The following ADAM22 variants were observed in gnomAD, a reference collection of about 807,000 sequenced individuals.
The protein encoded by ADAM22 is disintegrin and metalloproteinase domain-containing protein 22.
Under a neutral mutation model 144.6 loss-of-function variants are expected in ADAM22, and 65 were observed. The observed-to-expected ratio is 0.45, with a 90% CI of 0.37 to 0.55. The LOEUF (loss-of-function observed/expected upper bound fraction) is 0.55. ADAM22 is among the 20% of genes least tolerant of loss of function. The probability of loss-of-function intolerance (pLI) is 0.00; values close to 1 mark genes in which losing one functional copy is unlikely to be tolerated. For missense variants in ADAM22, 974 were observed against 1,184.9 expected (o/e 0.82, Z 2.61); for synonymous variants, 391 against 412.6 (o/e 0.95, Z 0.63).
chr7:87,950,671 G>T lies in ADAM22; in HGVS notation c.246+15485G>T, dbSNP rs542853543. Among the ~76,000 whole-genome samples the T allele has an allele frequency of 4.7e-3, 693 of 147,578 alleles. 2 individuals carry two copies. The highest frequency in any genetic ancestry group is 0.017 in the African/African-American group (668 of 39,040). The stretch of plus-strand genomic sequence containing the variant: ...ATATACCCAGTAATGGGATGGCTGG[G>T]TCAAATGGTATTTCTAGTTCTAGAT... On this transcript the variant is annotated intron_variant, in intron 2 of 31. Transcript: ENST00000413139.
chr7:88,102,246 C>A (rs1764349155), intron 4 of ADAM22, among the ~76,000 whole-genome samples: 1 of 152,132 alleles, frequency 6.6e-6, no homozygotes, highest in African/African-American at 2.4e-5. Flanking sequence ...TCATCAAAAT[C>A]ATGTAGAGGA....
At chr7:88,121,013 G>C (rs1585916717) in intron 7 of ADAM22, among the ~76,000 whole-genome samples, 2 of 152,186 alleles carry the variant, frequency 1.3e-5, no homozygotes. Context: ...ACCATTTGTT[G>C]AAAACAGTTT....
chr7:88,156,927 A>G (rs1683838413), intron 22 of ADAM22, among the ~76,000 whole-genome samples: 1 of 152,142 alleles, frequency 6.6e-6, no homozygotes, highest in Non-Finnish European at 1.5e-5. Flanking sequence ...AAAAAAGACA[A>G]AAACAATGAG....
chr7:88,054,748 A>C (rs922603448), intron 3 of ADAM22, among the ~76,000 whole-genome samples: 1 of 152,060 alleles, frequency 6.6e-6, no homozygotes, highest in Non-Finnish European at 1.5e-5. Flanking sequence ...CTCTTTGTCC[A>C]AAACACTTTT....
chr7:87,963,744 C>A (rs993334228), intron 2 of ADAM22, among the ~76,000 whole-genome samples: 4 of 152,148 alleles, frequency 2.6e-5, no homozygotes, highest in Non-Finnish European at 5.9e-5. Context: ...GAATGGCTCT[C>A]CTCTAGCTAC....
intron 2 of ADAM22, among the ~76,000 whole-genome samples, chr7:87,976,191 G>A (rs903949030): frequency 6.6e-6 from 1 of 152,142 alleles, no homozygotes; most frequent in Non-Finnish European, 1.5e-5. Flanking sequence ...GAGGCTAGAC[G>A]AGGTTGGAAA....
At chr7:88,118,788 C>T (rs1828504258) in intron 7 of ADAM22, among the ~76,000 whole-genome samples, 1 of 151,702 alleles carries the variant, frequency 6.6e-6, no homozygotes, top group Admixed American at 6.6e-5. Flanking sequence ...AAACTCAGGT[C>T]TGTTTCAATC....
chr7:88,037,241 G>A (rs1401699833), intron 3 of ADAM22, among the ~76,000 whole-genome samples: 2 of 152,028 alleles, frequency 1.3e-5, no homozygotes, highest in African/African-American at 2.4e-5. Flanking sequence ...GTGGATTTGA[G>A]ATGTTTTTGA....
At chr7:87,992,237 G>GCGAT (rs1790078006) in intron 3 of ADAM22, among the ~76,000 whole-genome samples, 1 of 152,214 alleles carries the variant, frequency 6.6e-6, no homozygotes, top group African/African-American at 2.4e-5. Context: ...AGAGGAAAGA[G>GCGAT]ATGGAACAAG....
chr7:88,090,661 C>T (rs536226517), intron 4 of ADAM22, among the ~76,000 whole-genome samples: 7 of 152,022 alleles, frequency 4.6e-5, no homozygotes, highest in South Asian at 2.1e-4. Flanking sequence ...TTTTTAAAAC[C>T]TCAGGATATA....
intron 3 of ADAM22, among the ~76,000 whole-genome samples, chr7:87,997,196 C>T (rs753408639): frequency 1.9e-4 from 29 of 152,186 alleles, no homozygotes; most frequent in Non-Finnish European, 3.5e-4. Flanking sequence ...CTTGGTAAAC[C>T]TACTGACCAT....
At position 88,140,105 on chromosome 7, in the gene ADAM22, C is replaced by T. The variant is rs1834159982; in HGVS notation, c.1221-2921C>T. ...GGAGCAGGGGAGAAGGGAGGGGGTGCTAGGCTCTTTTTAACAACCGAATCT... is the reference window on the plus strand; with the variant it reads ...GGAGCAGGGGAGAAGGGAGGGGGTGTTAGGCTCTTTTTAACAACCGAATCT... On this transcript the variant is annotated intron_variant, in intron 14 of 31. Coordinates refer to ENST00000413139, the MANE Select transcript of ADAM22 (RefSeq NM_001324418.2). Among the ~76,000 whole-genome samples the T allele has an allele frequency of 1.3e-5, 2 of 151,882 alleles. 1 individual carries two copies. Among genetic ancestry groups the T allele is most frequent in the South Asian group, 4.2e-4 (2 of 4,816 alleles).
At chr7:87,978,290 A>T in intron 2 of ADAM22, 46 bp from the exon 3 acceptor site, 1 of 1,392,030 alleles carries the variant, frequency 7.2e-7, no homozygotes, top group Non-Finnish European at 1.0e-6. Flanking sequence ...TTGTCTGATT[A>T]GTATGGCTGA....
At chr7:88,158,115 A>G (rs1158040026) in intron 22 of ADAM22, among the ~76,000 whole-genome samples, 3 of 152,182 alleles carry the variant, frequency 2.0e-5, no homozygotes, top group Non-Finnish European at 4.4e-5. Context: ...AATTTCAGAC[A>G]AAACAGACTT....
At chr7:88,020,691 A>T (rs1363155298) in intron 3 of ADAM22, among the ~76,000 whole-genome samples, 4 of 152,178 alleles carry the variant, frequency 2.6e-5, no homozygotes, top group Non-Finnish European at 4.4e-5. Context: ...AGTCCCTGAG[A>T]TCAGCAGATT....
chr7:88,194,648 T>C (rs183536721), intron 31 of ADAM22, among the ~76,000 whole-genome samples: 64 of 152,312 alleles, frequency 4.2e-4, no homozygotes, highest in Admixed American at 2.8e-3. Context: ...CCCAATGTTG[T>C]TCATTTGTCC....
chr7:88,009,380 G>A (rs968313645), intron 3 of ADAM22, among the ~76,000 whole-genome samples: 27 of 152,076 alleles, frequency 1.8e-4, no homozygotes, highest in African/African-American at 5.1e-4. Flanking sequence ...AATTGGTTAC[G>A]TGGCCATTTT....
chr7:87,978,553 T>A (rs1852463629), intron 3 of ADAM22, 141 bp downstream of exon 3: 2 of 617,320 alleles, frequency 3.2e-6, no homozygotes, highest in Non-Finnish European at 5.5e-6. Flanking sequence ...ACTTATTTAC[T>A]GTAGGTTATA....
intron 4 of ADAM22, among the ~76,000 whole-genome samples, chr7:88,092,874 T>G (rs1227034975): frequency 6.6e-6 from 1 of 152,210 alleles, no homozygotes; most frequent in Non-Finnish European, 1.5e-5. Context: ...ACAGCTGCTG[T>G]CAGCATGAGT....
Sources: allele counts gnomAD v4.1 joint callset (sites outside exome capture counted in the v4.1 genomes callset), GRCh38; gene constraint gnomAD v4.1.1; transcripts MANE v1.5; gene names NCBI Gene and HGNC (gene_info 2026-07-23, HGNC 2026-07-21).